EHHADH: variants seen among roughly 807,000 people sequenced by gnomAD.
EHHADH encodes the protein peroxisomal bifunctional enzyme.
In EHHADH, 48 loss-of-function variants were observed where a neutral mutation model predicts 64.4. The ratio of observed to expected loss-of-function variants is 0.75; its 90% CI spans 0.59 to 0.95. The LOEUF is 0.95. EHHADH is among the 40% of genes least tolerant of loss of function. The probability of loss-of-function intolerance (pLI) is 0.00; values close to 1 mark genes in which losing one functional copy is unlikely to be tolerated. For missense variants in EHHADH, 854 were observed against 876.6 expected, an observed-to-expected ratio of 0.97 and a Z score of 0.33; for synonymous variants, 308 against 326.7, an observed-to-expected ratio of 0.94 and a Z score of 0.62.
chr3:185,203,878 A>G (rs1010132716), intron 6 of EHHADH, among the ~76,000 whole-genome samples: 23 of 152,098 alleles, frequency 1.5e-4, no homozygotes, highest in African/African-American at 5.1e-4. Flanking sequence ...GGTGGCTCAC[A>G]CCTGTAATCT....
chr3:185,221,577 C>CTTTT (rs10663266), intron 4 of EHHADH, among the ~76,000 whole-genome samples: 49 of 130,702 alleles, frequency 3.7e-4, no homozygotes, highest in Non-Finnish European at 4.0e-4. Flanking sequence ...ATTTTTTTTT[C>CTTTT]TTTTTTTTTT....
At chr3:185,213,834 C>T (rs1718612602) in intron 5 of EHHADH, among the ~76,000 whole-genome samples, 2 of 146,244 alleles carry the variant, frequency 1.4e-5, no homozygotes, top group Non-Finnish European at 3.0e-5. Context: ...GAGCCGAGGT[C>T]ATGTCATTGC....
intron 2 of EHHADH, among the ~76,000 whole-genome samples, chr3:185,236,062 A>C (rs1413603068): frequency 6.6e-6 from 1 of 152,228 alleles, no homozygotes; most frequent in Non-Finnish European, 1.5e-5. Context: ...TATAAAAATA[A>C]CATGTATTAT....
chr3:185,202,674 C>A (rs1718262346), intron 6 of EHHADH, among the ~76,000 whole-genome samples: 1 of 152,144 alleles, frequency 6.6e-6, no homozygotes, highest in South Asian at 2.1e-4. Context: ...GAGCGCGAAC[C>A]CTATTGTGAA....
At chr3:185,238,602 G>A (rs963541359) in intron 2 of EHHADH, among the ~76,000 whole-genome samples, 9 of 152,062 alleles carry the variant, frequency 5.9e-5, no homozygotes, top group African/African-American at 2.2e-4. Context: ...AAATTTTTAA[G>A]TATATATAAC....
At chr3:185,249,581 T>C (rs185510582) in intron 1 of EHHADH, among the ~76,000 whole-genome samples, 2 of 152,302 alleles carry the variant, frequency 1.3e-5, no homozygotes, top group African/African-American at 4.8e-5. Flanking sequence ...GTTTATAAGT[T>C]GCAGTTTCCC....
chr3:185,238,707 G>A lies in EHHADH; in HGVS notation c.179-3245C>T, dbSNP rs114293605. 5.9e-3 allele frequency among the ~76,000 whole-genome samples: 893 copies of A among 152,080 alleles called. 11 individuals are homozygous for A. Among genetic ancestry groups the A allele is most frequent in the African/African-American group, 0.021 (852 of 41,494 alleles). Reference sequence around the variant, plus strand: ...AGATTCCAGATATTAGTCCTTTGTCGGATGCACAGTTTGCAAATATTTTCT... The same window carrying A: ...AGATTCCAGATATTAGTCCTTTGTCAGATGCACAGTTTGCAAATATTTTCT... On this transcript the variant is annotated intron_variant, in intron 2 of 6. Coordinates refer to ENST00000231887, the MANE Select transcript of EHHADH (RefSeq NM_001966.4).
chr3:185,222,757 C>T (rs1187258817), intron 4 of EHHADH, among the ~76,000 whole-genome samples: 1 of 152,174 alleles, frequency 6.6e-6, no homozygotes, highest in Non-Finnish European at 1.5e-5. Context: ...TTAGGCCACA[C>T]CCGAGAGTCC....
chr3:185,194,636 C>CAACAACAACAAA (rs1299780149), intron 6 of EHHADH, among the ~76,000 whole-genome samples: 3 of 150,072 alleles, frequency 2.0e-5, no homozygotes, highest in Non-Finnish European at 4.4e-5. Flanking sequence ...ACAACAACAA[C>CAACAACAACAAA]AACAACAACA....
At chr3:185,221,793 C>G (rs1039342932) in intron 4 of EHHADH, among the ~76,000 whole-genome samples, 1 of 151,822 alleles carries the variant, frequency 6.6e-6, no homozygotes, top group Non-Finnish European at 1.5e-5. Flanking sequence ...AGGCTGGTAT[C>G]AAATTCCTGA....
chr3:185,214,602 T>TTG (rs2108635520), intron 5 of EHHADH, among the ~76,000 whole-genome samples: 1 of 152,314 alleles, frequency 6.6e-6, no homozygotes, highest in Non-Finnish European at 1.5e-5. Flanking sequence ...CTACTGAAAA[T>TTG]TTGTTACATC....
chr3:185,230,181 G>A (rs1308249455), intron 3 of EHHADH, among the ~76,000 whole-genome samples: 1 of 152,188 alleles, frequency 6.6e-6, no homozygotes, highest in Non-Finnish European at 1.5e-5. Flanking sequence ...AGGTGTTGGA[G>A]AGGATATGGA....
At chr3:185,201,493 A>T (rs1718220397) in intron 6 of EHHADH, among the ~76,000 whole-genome samples, 1 of 152,174 alleles carries the variant, frequency 6.6e-6, no homozygotes, top group African/African-American at 2.4e-5. Flanking sequence ...TTCCCTGGAG[A>T]GGGCAGCAGA....
rs189571036 is a variant in EHHADH, at chr3:185,192,795, T to C, written c.1603A>G (p.Lys535Glu). ...AGLDVGWKSR[K>E]GQGLTGPTLL... is the part of the protein sequence containing the mutation. Reference sequence around the variant, plus strand: ...GTAGGTCCAGTAAGACCTTGCCCCTTTCTAGATTTCCAGCCCACATCCAAC... The same window carrying C: ...GTAGGTCCAGTAAGACCTTGCCCCTCTCTAGATTTCCAGCCCACATCCAAC... The change falls in exon 7 of 7, where the codon AAG (lysine) becomes GAG (glutamate). Residue 535 changes from lysine (K) to glutamate (E), a missense_variant. Physicochemically the swap from Lys to Glu is moderately conservative, Grantham distance 56. Transcript: ENST00000231887. 28 of 1,614,126 alleles carry C rather than the reference T, an allele frequency of 1.7e-5. No individual in the cohort carries two copies. Among genetic ancestry groups the C allele is most frequent in the Non-Finnish European group, 2.2e-5 (26 of 1,180,030 alleles).
chr3:185,248,288 C>T, intron 2 of EHHADH, 126 bp downstream of exon 2: 2 of 750,648 alleles, frequency 2.7e-6, no homozygotes, highest in East Asian at 4.9e-5. Flanking sequence ...GTTACTCATT[C>T]TCACTCAAGT....
intron 1 of EHHADH, among the ~76,000 whole-genome samples, chr3:185,251,742 G>C (rs2108654677): frequency 6.6e-6 from 1 of 152,088 alleles, no homozygotes; most frequent in East Asian, 1.9e-4. Context: ...GAAAGAAAAA[G>C]TGTAAGAAAA....
At chr3:185,252,271 G>A (rs1467563942) in intron 1 of EHHADH, among the ~76,000 whole-genome samples, 1 of 152,024 alleles carries the variant, frequency 6.6e-6, no homozygotes, top group Non-Finnish European at 1.5e-5. Context: ...GTGGTGGCAC[G>A]CACCTGTAGT....
intron 5 of EHHADH, among the ~76,000 whole-genome samples, chr3:185,206,429 A>G (rs558978062): frequency 1.3e-5 from 2 of 152,324 alleles, no homozygotes; most frequent in African/African-American, 4.8e-5. Context: ...GGGGTTAGGC[A>G]AAGTATTCTT....
chr3:185,204,899 A>G, intron 5 of EHHADH, 142 bp from the exon 6 acceptor site: 6 of 640,572 alleles, frequency 9.4e-6, no homozygotes, highest in Non-Finnish European at 1.6e-5. Context: ...TACACTAAAC[A>G]TATGTACACT....
Sources: allele counts gnomAD v4.1 joint callset (sites outside exome capture counted in the v4.1 genomes callset), GRCh38; gene constraint gnomAD v4.1.1; transcripts MANE v1.5; gene names NCBI Gene and HGNC (gene_info 2026-07-23, HGNC 2026-07-21).